The following FRMD5 variants were observed in gnomAD, a reference collection of about 807,000 sequenced individuals.
FRMD5 encodes the protein FERM domain-containing protein 5.
In FRMD5, 20 loss-of-function variants were observed where a neutral mutation model predicts 69.0. The ratio of observed to expected loss-of-function variants is 0.29; its 90% CI spans 0.20 to 0.42. The LOEUF is 0.42. FRMD5 is among the 10% of genes least tolerant of loss of function. The pLI, the probability that FRMD5 is intolerant of heterozygous loss-of-function variation, is 1.00. For missense variants in FRMD5, 595 were observed against 708.6 expected, an observed-to-expected ratio of 0.84 and a Z score of 1.82; for synonymous variants, 271 against 260.1, an observed-to-expected ratio of 1.04 and a Z score of -0.40.
chr15:44,123,059 G>A (rs2076977045), intron 1 of FRMD5, among the ~76,000 whole-genome samples: 1 of 152,022 alleles, frequency 6.6e-6, no homozygotes, highest in South Asian at 2.1e-4. Context: ...AAAATGATAT[G>A]GCAGGCCTGG....
chr15:43,940,472 T>C (rs752094101), intron 1 of FRMD5, among the ~76,000 whole-genome samples: 5 of 152,188 alleles, frequency 3.3e-5, no homozygotes, highest in Non-Finnish European at 7.4e-5. Context: ...ATAGCTGTTA[T>C]AAGAGAGGTA....
At chr15:44,020,296 GT>G (rs1891158048) in intron 1 of FRMD5, among the ~76,000 whole-genome samples, 1 of 152,016 alleles carries the variant, frequency 6.6e-6, no homozygotes, top group Admixed American at 6.6e-5. Flanking sequence ...TTGTTATCAC[GT>G]TTGCTCTTCC....
chr15:43,910,572 C>CAAAAAAA (rs1167867396), intron 4 of FRMD5, among the ~76,000 whole-genome samples: 683 of 40,266 alleles, frequency 0.017, 68 homozygotes, highest in African/African-American at 0.041. Flanking sequence ...GACCTTGTCT[C>CAAAAAAA]AAAAAAAAAA....
intron 1 of FRMD5, among the ~76,000 whole-genome samples, chr15:44,028,232 T>C (rs748694330): frequency 6.6e-6 from 1 of 152,136 alleles, no homozygotes; most frequent in African/African-American, 2.4e-5. Flanking sequence ...AACATGCCCA[T>C]ACAAAAGGGA....
At chr15:44,127,408 A>G (rs747275000) in intron 1 of FRMD5, among the ~76,000 whole-genome samples, 2 of 152,146 alleles carry the variant, frequency 1.3e-5, no homozygotes, top group Non-Finnish European at 2.9e-5. Flanking sequence ...ATGCTTTTTT[A>G]TTGTGAAGGT....
chr15:43,882,963 G>C (rs1013211599), intron 13 of FRMD5, among the ~76,000 whole-genome samples: 1 of 150,986 alleles, frequency 6.6e-6, no homozygotes, highest in African/African-American at 2.4e-5. Context: ...CCACGACCAT[G>C]CCCTGCTAAT....
At chr15:43,962,140 G>A (rs1468738841) in intron 1 of FRMD5, among the ~76,000 whole-genome samples, 1 of 152,168 alleles carries the variant, frequency 6.6e-6, no homozygotes, top group Admixed American at 6.5e-5. Context: ...TGACATGATT[G>A]TATATCTACA....
intron 1 of FRMD5, among the ~76,000 whole-genome samples, chr15:43,952,968 C>G (rs1478332765): frequency 1.3e-5 from 2 of 152,226 alleles, no homozygotes; most frequent in African/African-American, 4.8e-5. Flanking sequence ...AGGAAGATAG[C>G]CTCTGCCATC....
Position 44,108,965 on chromosome 15 carries a change from AAAAATAAAATAAAAT to A in FRMD5, c.102+85973_102+85987del, listed in dbSNP as rs3986153. 3.5e-3 allele frequency among the ~76,000 whole-genome samples: 480 copies of A among 136,872 alleles called. 3 individuals carry two copies. The highest frequency in any genetic ancestry group is 8.4e-3 in the African/African-American group (297 of 35,470). 89.8% of individuals were successfully genotyped at this position (136,872 alleles called of 152,430 possible). Reference sequence around the variant, plus strand: ...AACAGAGTGAGACTTCTCTCTAAATAAAAATAAAATAAAATAAAATAAAATAAAATAAAATAAAAT... The same window carrying A: ...AACAGAGTGAGACTTCTCTCTAAATAAAAATAAAATAAAATAAAATAAAAT... On this transcript the variant is annotated intron_variant, in intron 1 of 13. Transcript: ENST00000417257.
chr15:43,984,079 G>A (rs536521856), intron 1 of FRMD5, among the ~76,000 whole-genome samples: 1 of 152,268 alleles, frequency 6.6e-6, no homozygotes, highest in South Asian at 2.1e-4. Context: ...GAATGGGTAT[G>A]TAAGCATTAA....
intron 1 of FRMD5, among the ~76,000 whole-genome samples, chr15:44,148,426 A>C (rs1032323547): frequency 6.6e-5 from 10 of 151,948 alleles, no homozygotes; most frequent in Middle Eastern, 3.2e-3. Flanking sequence ...CGCCCGCCAC[A>C]ACGCCCGGCT....
At chr15:44,100,039 C>T (rs1239960356) in intron 1 of FRMD5, among the ~76,000 whole-genome samples, 9 of 148,096 alleles carry the variant, frequency 6.1e-5, no homozygotes, top group Non-Finnish European at 1.2e-4. Context: ...CTAATAGCTT[C>T]TTCTTCTCTT....
chr15:44,024,677 C>A (rs562053646), intron 1 of FRMD5, among the ~76,000 whole-genome samples: 12 of 152,270 alleles, frequency 7.9e-5, no homozygotes, highest in Non-Finnish European at 1.2e-4. Flanking sequence ...ATTTTAAAAA[C>A]ATATTCTGGC....
At chr15:43,965,531 G>A (rs1025970730) in intron 1 of FRMD5, among the ~76,000 whole-genome samples, 1 of 150,888 alleles carries the variant, frequency 6.6e-6, no homozygotes, top group African/African-American at 2.4e-5. Flanking sequence ...TTCCCACCAT[G>A]CCACCCTCTA....
At chr15:43,968,549 T>C (rs865878183) in intron 1 of FRMD5, among the ~76,000 whole-genome samples, 2 of 152,222 alleles carry the variant, frequency 1.3e-5, no homozygotes, top group African/African-American at 4.8e-5. Context: ...GTGTTTCTTT[T>C]TTCCAAGCTG....
At chr15:44,147,606 A>G (rs138314553) in intron 1 of FRMD5, among the ~76,000 whole-genome samples, 8 of 152,222 alleles carry the variant, frequency 5.3e-5, no homozygotes, top group African/African-American at 1.9e-4. Flanking sequence ...TTTGAACATG[A>G]CTTAGAAAAC....
At chr15:44,111,844 T>C (rs2076800355) in intron 1 of FRMD5, among the ~76,000 whole-genome samples, 1 of 150,774 alleles carries the variant, frequency 6.6e-6, no homozygotes, top group Non-Finnish European at 1.5e-5. Flanking sequence ...TGAATACTTC[T>C]CTCTTTTCCT....
intron 1 of FRMD5, among the ~76,000 whole-genome samples, chr15:43,933,800 T>C (rs1211467143): frequency 6.6e-6 from 1 of 152,236 alleles, no homozygotes; most frequent in African/African-American, 2.4e-5. Flanking sequence ...CCAATTACCA[T>C]TTATTTTCAA....
intron 1 of FRMD5, among the ~76,000 whole-genome samples, chr15:44,085,941 G>T (rs1009883146): frequency 3.9e-5 from 6 of 151,920 alleles, no homozygotes; most frequent in African/African-American, 1.5e-4. Flanking sequence ...CTTAGCAACT[G>T]GTTAGGTAAA....
Sources: gnomAD v4.1 joint callset for allele counts (sites outside exome capture counted in the v4.1 genomes callset) on GRCh38, gnomAD v4.1.1 for gene constraint, MANE v1.5 for transcripts, NCBI Gene and HGNC (gene_info 2026-07-23, HGNC 2026-07-21) for gene names.